The following PTPRT variants were observed in gnomAD, a reference collection of about 807,000 sequenced individuals.
PTPRT encodes receptor-type tyrosine-protein phosphatase T.
Under a neutral mutation model 176.8 loss-of-function variants are expected in PTPRT, and 56 were observed. The observed-to-expected ratio is 0.32, with a 90% CI of 0.26 to 0.40. The LOEUF (loss-of-function observed/expected upper bound fraction) is 0.40. PTPRT is among the 10% of genes least tolerant of loss of function. PTPRT has a pLI of 1.00. For synonymous variants in PTPRT, 783 were observed against 739.0 expected, an observed-to-expected ratio of 1.06 and a Z score of -0.96; for missense variants, 1,540 against 1,908.2, an observed-to-expected ratio of 0.81 and a Z score of 3.60.
At chr20:42,954,182 C>T (rs1368686288) in intron 1 of PTPRT, among the ~76,000 whole-genome samples, 1 of 152,170 alleles carries the variant, frequency 6.6e-6, no homozygotes. Flanking sequence ...GTAGATCCAA[C>T]TCATAAGAGG....
intron 2 of PTPRT, among the ~76,000 whole-genome samples, chr20:42,798,000 T>G (rs570211578): frequency 4.5e-4 from 69 of 152,308 alleles, no homozygotes; most frequent in African/African-American, 1.6e-3. Context: ...CAGATTAGAA[T>G]GTGTGGGGTT....
intron 12 of PTPRT, among the ~76,000 whole-genome samples, chr20:42,296,202 C>T (rs1171641455): frequency 6.6e-6 from 1 of 152,184 alleles, no homozygotes; most frequent in Non-Finnish European, 1.5e-5. Flanking sequence ...AATCCCAGCA[C>T]TTTGGGAGGC....
chr20:42,075,912 T>G lies in PTPRT; in HGVS notation c.*4967A>C. 4.7e-6 allele frequency: 1 copy of G among 210,552 alleles called. No homozygotes were observed. The highest frequency in any genetic ancestry group is 9.6e-6 in the Non-Finnish European group (1 of 103,718). The allele number at this position is 210,552 out of a possible 1,614,324, so 13.0% of individuals were successfully genotyped here. ...GCTCTGGCAAGCTGTTACCCATCCT[T>G]TCTCCAGCTATGTCACAGAAGTGAC... On this transcript the variant is annotated 3_prime_UTR_variant, in exon 31 of 31. Transcript: ENST00000373187.
intron 7 of PTPRT, among the ~76,000 whole-genome samples, chr20:42,508,988 TAATTTATA>T (rs1480874625): frequency 4.3e-4 from 55 of 127,388 alleles, no homozygotes; most frequent in Middle Eastern, 9.2e-3. Context: ...AATTTATATT[TAATTTATA>T]GATATAAATT....
chr20:42,290,223 T>C (rs1396003892), intron 12 of PTPRT, among the ~76,000 whole-genome samples: 1 of 152,080 alleles, frequency 6.6e-6, no homozygotes, highest in African/African-American at 2.4e-5. Flanking sequence ...ATACCCTAAT[T>C]CCAGGTTTGT....
At chr20:42,182,820 G>A (rs1293934614) in intron 16 of PTPRT, among the ~76,000 whole-genome samples, 7 of 151,904 alleles carry the variant, frequency 4.6e-5, no homozygotes, top group Non-Finnish European at 8.8e-5. Context: ...ATGGAATGCC[G>A]TAGAACACCT....
At chr20:42,422,773 C>T (rs1415387144) in intron 9 of PTPRT, among the ~76,000 whole-genome samples, 1 of 152,132 alleles carries the variant, frequency 6.6e-6, no homozygotes, top group Non-Finnish European at 1.5e-5. Context: ...GCACTATTCA[C>T]AATAGCCAAC....
chr20:42,103,856 A>G (rs572604360), intron 25 of PTPRT, among the ~76,000 whole-genome samples: 3 of 152,378 alleles, frequency 2.0e-5, no homozygotes, highest in South Asian at 2.1e-4. Context: ...ACAGTTAAAG[A>G]CAAGTACCAG....
At chr20:42,363,871 G>A (rs2058476671) in intron 9 of PTPRT, among the ~76,000 whole-genome samples, 1 of 152,072 alleles carries the variant, frequency 6.6e-6, no homozygotes, top group African/African-American at 2.4e-5. Context: ...CTTAACCTTG[G>A]AGCTCTTTTG....
At chr20:42,988,873 C>A (rs573517131) in intron 1 of PTPRT, among the ~76,000 whole-genome samples, 1 of 152,304 alleles carries the variant, frequency 6.6e-6, no homozygotes, top group African/African-American at 2.4e-5. Context: ...CCATGAGCAT[C>A]ACAATGATGG....
rs2071667220 is a variant in PTPRT, at chr20:42,497,032, TC to T, written c.1154-24471del. Among the ~76,000 whole-genome samples the T allele has an allele frequency of 3.9e-5, 6 of 152,258 alleles. No homozygotes were observed. In the South Asian group the frequency reaches 1.2e-3, roughly 32 times the overall value. Reference sequence around the variant, plus strand: ...AATAGCAAAATAAATTCAAAGGTAGTCCCTTACCAGCAAGGTACTTCCTGAC... The same window carrying T: ...AATAGCAAAATAAATTCAAAGGTAGTCCTTACCAGCAAGGTACTTCCTGAC... On this transcript the variant is annotated intron_variant, in intron 7 of 30. Transcript: ENST00000373187.
intron 3 of PTPRT, among the ~76,000 whole-genome samples, chr20:42,790,387 C>T (rs554031020): frequency 6.6e-6 from 1 of 151,472 alleles, no homozygotes; most frequent in Non-Finnish European, 1.5e-5. Context: ...ACTGTTGCAA[C>T]AATCTGTCAT....
chr20:42,389,274 A>G (rs1413132939), intron 9 of PTPRT, among the ~76,000 whole-genome samples: 1 of 149,418 alleles, frequency 6.7e-6, no homozygotes, highest in Non-Finnish European at 1.5e-5. Flanking sequence ...TTAAAGTATA[A>G]AAAAAAAAAG....
intron 7 of PTPRT, among the ~76,000 whole-genome samples, chr20:42,551,636 A>G (rs1355714382): frequency 1.3e-5 from 2 of 152,126 alleles, no homozygotes; most frequent in Admixed American, 1.3e-4. Context: ...TTGAATCTCT[A>G]AGTTCAAATT....
At chr20:43,134,099 A>C (rs959478741) in intron 1 of PTPRT, among the ~76,000 whole-genome samples, 3 of 152,238 alleles carry the variant, frequency 2.0e-5, no homozygotes, top group Non-Finnish European at 2.9e-5. Context: ...ACACCACCAT[A>C]AAGATATAGT....
intron 1 of PTPRT, among the ~76,000 whole-genome samples, chr20:42,998,088 C>G (rs747685165): frequency 6.6e-6 from 1 of 152,072 alleles, no homozygotes; most frequent in Non-Finnish European, 1.5e-5. Context: ...AGTGTGAGAT[C>G]GTTGATTCTC....
intron 1 of PTPRT, among the ~76,000 whole-genome samples, chr20:42,957,718 C>T (rs921019504): frequency 6.6e-6 from 1 of 152,186 alleles, no homozygotes; most frequent in Non-Finnish European, 1.5e-5. Context: ...TGTTGCACTG[C>T]ACTGTACCCA....
intron 1 of PTPRT, among the ~76,000 whole-genome samples, chr20:43,018,513 A>T (rs1985483410): frequency 6.6e-6 from 1 of 152,220 alleles, no homozygotes; most frequent in Non-Finnish European, 1.5e-5. Context: ...TGCATTTTTT[A>T]AAATTGAGAG....
intron 17 of PTPRT, among the ~76,000 whole-genome samples, chr20:42,151,866 G>A (rs4254560): frequency 0.13 from 20,382 of 152,208 alleles, 3,500 homozygotes; most frequent in African/African-American, 0.4. Context: ...AACTGGGACC[G>A]TTTTGGGAAA....
Sources: allele counts gnomAD v4.1 joint callset (sites outside exome capture counted in the v4.1 genomes callset), GRCh38; gene constraint gnomAD v4.1.1; transcripts MANE v1.5; gene names NCBI Gene and HGNC (gene_info 2026-07-23, HGNC 2026-07-21).